Variants in PANK2 observed in about 807,000 individuals in gnomAD.
PANK2 encodes the protein pantothenate kinase 2, mitochondrial.
In PANK2, 36 loss-of-function variants were observed where a neutral mutation model predicts 43.1. The observed-to-expected ratio is 0.84, with a 90% CI of 0.64 to 1.10. PANK2 has a LOEUF of 1.10. PANK2 is among the 50% of genes least tolerant of loss of function. The probability of loss-of-function intolerance (pLI) is 0.00; values close to 1 mark genes in which losing one functional copy is unlikely to be tolerated. For missense variants in PANK2, 576 were observed against 593.3 expected (o/e 0.97, Z 0.30); for synonymous variants, 281 against 238.2 (o/e 1.18, Z -1.66).
intron 1 of PANK2, among the ~76,000 whole-genome samples, chr20:3,905,579 C>T (rs982667175): frequency 1.3e-5 from 2 of 151,158 alleles, no homozygotes; most frequent in Non-Finnish European, 2.9e-5. Context: ...GATCTCCTGA[C>T]CTCATGATCC....
intron 1 of PANK2, among the ~76,000 whole-genome samples, chr20:3,902,308 A>G (rs1399569239): frequency 6.6e-6 from 1 of 151,756 alleles, no homozygotes; most frequent in Non-Finnish European, 1.5e-5. Flanking sequence ...CTGTGACTAC[A>G]GGTGTGCGCC....
intron 4 of PANK2, among the ~76,000 whole-genome samples, 192 bp downstream of exon 4, chr20:3,912,826 T>G (rs1418462117): frequency 2.7e-5 from 4 of 150,228 alleles, no homozygotes; most frequent in African/African-American, 9.8e-5. Context: ...GGTGCGCGCC[T>G]GTAGACCCAG....
intron 1 of PANK2, among the ~76,000 whole-genome samples, chr20:3,894,749 A>G (rs2090177855): frequency 6.6e-6 from 1 of 152,020 alleles, no homozygotes; most frequent in African/African-American, 2.4e-5. Context: ...TGGCCAGTTT[A>G]TCAACTTTAA....
At chr20:3,889,027 G>C, upstream of PANK2, 1 of 1,249,458 alleles carries the variant, frequency 8.0e-7, no homozygotes, top group Non-Finnish European at 1.1e-6. Flanking sequence ...GTGGGACTCG[G>C]GGTCGCCCCA....
intron 1 of PANK2, among the ~76,000 whole-genome samples, chr20:3,898,860 C>T (rs977550626): frequency 2.0e-5 from 3 of 151,648 alleles, no homozygotes; most frequent in Non-Finnish European, 2.9e-5. Flanking sequence ...AACAGTCTTG[C>T]TGGTCTTGAG....
At chr20:3,905,960 C>T (rs1266495364) in intron 1 of PANK2, among the ~76,000 whole-genome samples, 3 of 151,764 alleles carry the variant, frequency 2.0e-5, no homozygotes, top group Admixed American at 6.6e-5. Flanking sequence ...AGGTGATCTG[C>T]CCTCCTCATC....
rs71647839 is a variant in PANK2, at chr20:3,908,678, G to A, written c.651+400G>A. On this transcript the variant is annotated intron_variant, in intron 2 of 6. Coordinates refer to ENST00000610179, the MANE Select transcript of PANK2 (RefSeq NM_001386393.1). ...TTTCTCTTGTCTCCCTCAGTTGTTTGCTGGCATGTTCACTAACTGAAAAAA... is the reference window on the plus strand; with the variant it reads ...TTTCTCTTGTCTCCCTCAGTTGTTTACTGGCATGTTCACTAACTGAAAAAA... 7 of 243,134 alleles carry A rather than the reference G, an allele frequency of 2.9e-5. No homozygotes were observed. In the East Asian group the frequency reaches 7.7e-4, roughly 27 times the overall value. The allele number at this position is 243,134 out of a possible 1,614,324, so 15.1% of individuals were successfully genotyped here.
intron 1 of PANK2, among the ~76,000 whole-genome samples, chr20:3,907,471 A>T (rs2090405461): frequency 6.6e-6 from 1 of 152,292 alleles, no homozygotes. Flanking sequence ...ATTTTGAAAG[A>T]TAAATTGACC....
chr20:3,896,731 A>T (rs181656052), intron 1 of PANK2, among the ~76,000 whole-genome samples: 1 of 152,288 alleles, frequency 6.6e-6, no homozygotes, highest in African/African-American at 2.4e-5. Context: ...ATGGCCAAAC[A>T]AGAGGTTCCA....
intron 6 of PANK2, among the ~76,000 whole-genome samples, chr20:3,919,211 C>T (rs149853683): frequency 6.6e-6 from 1 of 152,140 alleles, no homozygotes; most frequent in Non-Finnish European, 1.5e-5. Flanking sequence ...TGTGCCTGAA[C>T]TTTTTTGGTA....
At chr20:3,891,964 T>G (rs1053432327) in intron 1 of PANK2, among the ~76,000 whole-genome samples, 3 of 152,238 alleles carry the variant, frequency 2.0e-5, no homozygotes, top group African/African-American at 7.2e-5. Context: ...GTATAAGACC[T>G]GCTAAAGGAA....
chr20:3,889,185 C>T (rs755243523), upstream of PANK2: 10 of 1,610,886 alleles, frequency 6.2e-6, no homozygotes, highest in Middle Eastern at 6.6e-4. Flanking sequence ...CCTTCTCTTC[C>T]TCCGCGGAAC....
At chr20:3,905,123 T>C (rs2090363952) in intron 1 of PANK2, among the ~76,000 whole-genome samples, 1 of 151,176 alleles carries the variant, frequency 6.6e-6, no homozygotes, top group African/African-American at 2.4e-5. Context: ...GGGAGTGGCC[T>C]GTCCACTTGT....
Position 3,913,609 on chromosome 20 carries a change from ACAGGTGTGAG to A in PANK2, c.1082+977_1082+986del, listed in dbSNP as rs1185836236. On this transcript the variant is annotated intron_variant, in intron 4 of 6. Coordinates refer to ENST00000610179, the MANE Select transcript of PANK2 (RefSeq NM_001386393.1). ...CTCAGCCTCCCAAAGTGCTAGGATT[ACAGGTGTGAG>A]CCACCGCGCCCGGCTGCCACATAAT... Among the ~76,000 whole-genome samples, 1,416 of 152,190 alleles carry A rather than the reference ACAGGTGTGAG, an allele frequency of 9.3e-3. 20 individuals are homozygous for A. Among genetic ancestry groups the A allele is most frequent in the African/African-American group, 0.033 (1,350 of 41,512 alleles).
At chr20:3,908,532 G>A (rs1568570341) in intron 2 of PANK2, among the ~76,000 whole-genome samples, 1 of 152,146 alleles carries the variant, frequency 6.6e-6, no homozygotes, top group Non-Finnish European at 1.5e-5. Flanking sequence ...TAGGGCATCT[G>A]CTATACGTTG....
rs1027631759 is a variant in PANK2 at position 3,904,521 on chromosome 20, T to A, written c.299-3405T>A. On this transcript the variant is annotated intron_variant, in intron 1 of 6. Coordinates refer to ENST00000610179, the MANE Select transcript of PANK2 (RefSeq NM_001386393.1). ...GTTCAAGGTTACAGTCAGTTGTGATTGAGTTGTGATTGCACTCCAGCCTGG... is the reference window on the plus strand; with the variant it reads ...GTTCAAGGTTACAGTCAGTTGTGATAGAGTTGTGATTGCACTCCAGCCTGG... Among the ~76,000 whole-genome samples, 5 of 150,802 alleles carry A rather than the reference T, an allele frequency of 3.3e-5. No homozygotes were observed. The East Asian group carries it at 9.8e-4, about 30-fold the overall frequency.
chr20:3,912,775 C>T (rs1371831313), intron 4 of PANK2, 141 bp downstream of exon 4: 4 of 877,730 alleles, frequency 4.6e-6, no homozygotes, highest in Non-Finnish European at 6.9e-6. Flanking sequence ...CATAGTGTAA[C>T]CCTGTCTCTA....
intron 6 of PANK2, chr20:3,921,607 A>G (rs1470703195): frequency 6.6e-6 from 1 of 152,232 alleles, no homozygotes; most frequent in Admixed American, 6.5e-5. Context: ...TCTGTATTTC[A>G]GCTGTGCCTT....
At chr20:3,903,536 G>A (rs906210124) in intron 1 of PANK2, among the ~76,000 whole-genome samples, 12 of 141,624 alleles carry the variant, frequency 8.5e-5, no homozygotes, top group African/African-American at 3.2e-4. Context: ...GCATGATCTC[G>A]GCTAACTGTA....
Sources: gnomAD v4.1 joint callset for allele counts (sites outside exome capture counted in the v4.1 genomes callset) on GRCh38, gnomAD v4.1.1 for gene constraint, MANE v1.5 for transcripts, NCBI Gene and HGNC (gene_info 2026-07-23, HGNC 2026-07-21) for gene names.